Variants in RRBP1 observed in about 807,000 individuals in gnomAD.
RRBP1 encodes ribosome binding protein 1.
RRBP1 carries 94 observed loss-of-function variants against 165.2 expected under a neutral mutation model. That is an observed-to-expected ratio of 0.57 (90% CI 0.48 to 0.68). The LOEUF (loss-of-function observed/expected upper bound fraction) is 0.68, where lower values mean the gene tolerates loss of function less well. Among genes scored for constraint, RRBP1 ranks in the 30% least tolerant of loss-of-function variants. RRBP1 has a pLI of 0.00. For synonymous variants in RRBP1, 680 were observed against 714.5 expected, an observed-to-expected ratio of 0.95 and a Z score of 0.77; for missense variants, 1,676 against 1,763.0, an observed-to-expected ratio of 0.95 and a Z score of 0.88.
At position 17,633,868 on chromosome 20, in the gene RRBP1, C is replaced by A. The variant is rs927093982; in HGVS notation, c.2457-255G>T. On this transcript the variant is annotated intron_variant, in intron 7 of 24. Transcript: ENST00000377813. ...TGTGCACTAAAGCATCCCAGGGGAGCCCCTCCCAGAAACAGCCAGAAATTC... is the reference window on the plus strand; with the variant it reads ...TGTGCACTAAAGCATCCCAGGGGAGACCCTCCCAGAAACAGCCAGAAATTC... Among the ~76,000 whole-genome samples, 3 of 152,368 alleles carry A rather than the reference C, an allele frequency of 2.0e-5. No individual in the cohort carries two copies. In the South Asian group the frequency reaches 6.2e-4, roughly 32 times the overall value.
At position 17,660,213 on chromosome 20, in the gene RRBP1, G is replaced by A. The variant is rs768262144; in HGVS notation, c.295C>T (p.Pro99Ser). 1.9e-6 allele frequency: 3 copies of A among 1,613,630 alleles called. No homozygotes were observed. The African/African-American group carries it at 4.0e-5, about 22-fold the overall frequency. The stretch of plus-strand genomic sequence containing the variant: ...ACAGCCACAGCAGGAGCCCGCACTG[G>A]TTCTCGAAGGAGGACAGTCACATTG... ...APNVTVLLRE[P>S]VRAPAVAVAP... Residue 99 changes from proline to serine, a missense_variant, in exon 3 of 25, where the codon CCA (proline) becomes TCA (serine). By Grantham distance (74) the Pro-to-Ser change is moderately conservative. Around this residue, in one of 5 missense-constraint regions of RRBP1, gnomAD observed 392 missense variants for 382.5 expected, o/e 1.02. Transcript: ENST00000377813.
chr20:17,623,582 G>A (rs766380901), intron 13 of RRBP1, among the ~76,000 whole-genome samples: 84 of 152,178 alleles, frequency 5.5e-4, no homozygotes, highest in Non-Finnish European at 8.4e-4. Flanking sequence ...GGGCCAACGC[G>A]GCCTCTGTTC....
At chr20:17,671,711 A>G (rs994926483) in intron 2 of RRBP1, among the ~76,000 whole-genome samples, 1 of 152,126 alleles carries the variant, frequency 6.6e-6, no homozygotes, top group African/African-American at 2.4e-5. Context: ...CTGCGCCTGG[A>G]GATGCTATCA....
chr20:17,632,904 G>C (rs541346726), intron 8 of RRBP1, among the ~76,000 whole-genome samples: 4 of 152,312 alleles, frequency 2.6e-5, no homozygotes, highest in African/African-American at 9.6e-5. Flanking sequence ...GGGAAAAAAG[G>C]CCTCAAGGCC....
intron 11 of RRBP1, 50 bp downstream of exon 11, chr20:17,627,298 T>C (rs755596767): frequency 1.9e-6 from 3 of 1,597,924 alleles, no homozygotes; most frequent in Non-Finnish European, 2.6e-6. Context: ...GGGTCTTTGG[T>C]CCCCCGGGCT....
rs1568759437 is a variant in RRBP1 at position 17,627,545 on chromosome 20, G to A, written c.2887C>T (p.Leu963=). ...LTERIRSIEA[L]LEAGQARDAQ... ...TCCCGCGCCTGGCCCGCCTCCAGCA[G>A]GGCCTCAATGGAACGGATTCTCTCT... The change falls in exon 10 of 25, where the codon CTG becomes TTG. Residue 963 remains leucine (L), a synonymous_variant. Transcript: ENST00000377813. The A allele has an allele frequency of 1.2e-6, 2 of 1,613,106 alleles. No homozygotes were observed. Among genetic ancestry groups the A allele is most frequent in the East Asian group, 4.5e-5 (2 of 44,862 alleles).
Position 17,620,899 on chromosome 20 carries a change from T to C in RRBP1, c.3415-92A>G, listed in dbSNP as rs1056526210. On this transcript the variant is annotated intron_variant, in intron 16 of 24. Coordinates refer to ENST00000377813, the MANE Select transcript of RRBP1 (RefSeq NM_001365613.2). ...TCCTGTCCCTGCAGCCCTGGTGACC[T>C]GCCGTGCTCCGCCTGCTGACTTCAT... The C allele has an allele frequency of 2.4e-5, 22 of 927,556 alleles. No individual in the cohort carries two copies. In the South Asian group the frequency reaches 3.5e-4, roughly 15 times the overall value. 57.5% of individuals were successfully genotyped at this position (927,556 alleles called of 1,614,324 possible).
At chr20:17,676,568 A>G (rs886735497) in intron 2 of RRBP1, among the ~76,000 whole-genome samples, 1 of 152,162 alleles carries the variant, frequency 6.6e-6, no homozygotes, top group Non-Finnish European at 1.5e-5. Flanking sequence ...GACAGCCCCC[A>G]GCACCCTGAG....
At chr20:17,680,555 T>C (rs369275267) in intron 1 of RRBP1, among the ~76,000 whole-genome samples, 4 of 152,174 alleles carry the variant, frequency 2.6e-5, no homozygotes, top group African/African-American at 9.6e-5. Flanking sequence ...CTCAGAGTAA[T>C]TGCCAAATTG....
rs147682968 is a variant in RRBP1 at position 17,621,513 on chromosome 20, G to A, written c.3359C>T (p.Thr1120Met). ...ACACTCGGCCTGCAGTGTGCTCTGC[G>A]TCTCCTCGGCCTCCCTCAACTTGGA... is the stretch of plus-strand genomic sequence containing the variant. ...LASKLREAEE[T>M]QSTLQAECDQ... Residue 1120 changes from threonine to methionine, a missense_variant, in exon 16 of 25, where the codon ACG becomes ATG. By Grantham distance (81) the Thr-to-Met change is moderately conservative. Around this residue, in one of 5 missense-constraint regions of RRBP1, gnomAD observed 1,184 missense variants for 1,167.1 expected, o/e 1.01. Coordinates refer to ENST00000377813, the MANE Select transcript of RRBP1 (RefSeq NM_001365613.2). 5.7e-4 allele frequency: 918 copies of A among 1,612,674 alleles called. No homozygotes were observed. The highest frequency in any genetic ancestry group is 7.4e-4 in the Non-Finnish European group (872 of 1,179,954).
At chr20:17,638,940 C>T (rs977006144) in intron 5 of RRBP1, among the ~76,000 whole-genome samples, 1 of 152,122 alleles carries the variant, frequency 6.6e-6, no homozygotes, top group African/African-American at 2.4e-5. Context: ...GAACTCCTCC[C>T]GTGACCCCAT....
chr20:17,667,391 T>A (rs1041292975), intron 2 of RRBP1, among the ~76,000 whole-genome samples: 8 of 152,242 alleles, frequency 5.3e-5, no homozygotes, highest in Non-Finnish European at 8.8e-5. Flanking sequence ...TATTCCTTCC[T>A]CCATCTTCCA....
rs1371511175 is a variant in RRBP1 at position 17,627,530 on chromosome 20, G to A, written c.2902C>T (p.Gln968Ter). 1 of 1,612,066 alleles carries A rather than the reference G, an allele frequency of 6.2e-7. No homozygotes were observed. The highest frequency in any genetic ancestry group is 1.3e-5 in the African/African-American group (1 of 74,914). Residue 968 changes from glutamine to a stop codon, truncating the protein, a stop_gained, in exon 10 of 25, where the codon CAG becomes TAG. Coordinates refer to ENST00000377813, the MANE Select transcript of RRBP1 (RefSeq NM_001365613.2). LOFTEE classifies it high-confidence loss of function. ...TGGACGTCCTGGGCATCCCGCGCCTGGCCCGCCTCCAGCAGGGCCTCAATG... is the reference window on the plus strand; with the variant it reads ...TGGACGTCCTGGGCATCCCGCGCCTAGCCCGCCTCCAGCAGGGCCTCAATG... ...RSIEALLEAGQARDAQDVQAS... is the reference protein window; with the variant it reads ...RSIEALLEAG
intron 18 of RRBP1, 153 bp from the exon 19 acceptor site, chr20:17,619,881 C>T (rs902513751): frequency 1.2e-5 from 7 of 569,768 alleles, no homozygotes; most frequent in African/African-American, 1.9e-5. Flanking sequence ...AACTAGTCCG[C>T]GGCAAGAGAA....
chr20:17,625,967 C>T (rs1432427852), intron 11 of RRBP1, among the ~76,000 whole-genome samples: 2 of 152,128 alleles, frequency 1.3e-5, no homozygotes, highest in Non-Finnish European at 2.9e-5. Context: ...GGCAAATCAC[C>T]CCAAGAGCGT....
In RRBP1 at chr20:17,658,648, C is replaced by T; in HGVS notation, c.1860G>A (p.Lys620=). 1 of 1,613,178 alleles carries T rather than the reference C, an allele frequency of 6.2e-7. No homozygotes were observed. Among genetic ancestry groups the T allele is most frequent in the South Asian group, 1.1e-5 (1 of 91,008 alleles). The part of the protein sequence containing the change: ...TDVAQSPEAP[K]QEAPAKKKSG... ...ACTTCTTCTTGGCAGGAGCCTCTTG[C>T]TTTGGTGCCTCTGGGCTCTGGGCCA... Residue 620 remains lysine (K), a synonymous_variant, in exon 3 of 25, where the codon AAG becomes AAA. Transcript: ENST00000377813.
intron 16 of RRBP1, among the ~76,000 whole-genome samples, chr20:17,621,235 A>G (rs2035907104): frequency 6.6e-6 from 1 of 152,186 alleles, no homozygotes. Flanking sequence ...CCCAGCTTAG[A>G]GACCGGCCCC....
Position 17,660,142 on chromosome 20 carries a change from G to C in RRBP1, c.366C>G (p.Ala122=). The change falls in exon 3 of 25, where the codon GCC becomes GCG. Residue 122 remains alanine, a synonymous_variant. Transcript: ENST00000377813. ...VQPPIIVAPV[A]TVPAMPQEKL... ...TCTCCTGGGGCATGGCTGGAACTGTGGCGACAGGAGCAACGATAATGGGGG... is the reference window on the plus strand; with the variant it reads ...TCTCCTGGGGCATGGCTGGAACTGTCGCGACAGGAGCAACGATAATGGGGG... 1 of 1,614,166 alleles carries C rather than the reference G, an allele frequency of 6.2e-7. No homozygotes were observed. Among genetic ancestry groups the C allele is most frequent in the South Asian group, 1.1e-5 (1 of 91,074 alleles).
intron 1 of RRBP1, among the ~76,000 whole-genome samples, chr20:17,681,526 C>T (rs1257558951): frequency 5.5e-5 from 6 of 108,808 alleles, no homozygotes; most frequent in Non-Finnish European, 1.1e-4. Context: ...TCCCCTCGGC[C>T]GGCCTCCGCC....
Sources: gnomAD v4.1 joint callset for allele counts (sites outside exome capture counted in the v4.1 genomes callset) on GRCh38, gnomAD v4.1.1 for gene constraint, gnomAD v4.1.1 regional missense constraint, MANE v1.5 for transcripts, NCBI Gene and HGNC (gene_info 2026-07-23, HGNC 2026-07-21) for gene names.